RALYL: variants seen among roughly 807,000 people sequenced by gnomAD.
RALYL encodes RALY RNA binding protein like.
RALYL carries 29 observed loss-of-function variants against 35.1 expected under a neutral mutation model. That is an observed-to-expected ratio of 0.83 (90% CI 0.61 to 1.13). The LOEUF (loss-of-function observed/expected upper bound fraction) is 1.13. Among genes scored for constraint, RALYL ranks in the 50% most tolerant of loss-of-function variants. RALYL has a pLI of 0.00. For synonymous variants in RALYL, 120 were observed against 127.6 expected, an observed-to-expected ratio of 0.94 and a Z score of 0.40; for missense variants, 359 against 360.4, an observed-to-expected ratio of 1.00 and a Z score of 0.03.
chr8:84,869,075 A>G (rs1313203244), intron 6 of RALYL, among the ~76,000 whole-genome samples: 1 of 152,068 alleles, frequency 6.6e-6, no homozygotes, highest in African/African-American at 2.4e-5. Context: ...AGTGATCATG[A>G]TAAAGAGTTC....
intron 1 of RALYL, among the ~76,000 whole-genome samples, chr8:84,493,120 A>G (rs1052455005): frequency 6.6e-6 from 1 of 151,790 alleles, no homozygotes; most frequent in Non-Finnish European, 1.5e-5. Context: ...CCCTGTGTCC[A>G]TGTGTTCTCA....
At chr8:84,378,044 C>T (rs917931937) in intron 1 of RALYL, among the ~76,000 whole-genome samples, 1 of 151,922 alleles carries the variant, frequency 6.6e-6, no homozygotes, top group Non-Finnish European at 1.5e-5. Context: ...CTTTCTAGAA[C>T]ACATGCTCTT....
At chr8:84,566,789 A>G (rs1412383270) in intron 2 of RALYL, among the ~76,000 whole-genome samples, 3 of 151,666 alleles carry the variant, frequency 2.0e-5, no homozygotes, top group Non-Finnish European at 4.4e-5. Flanking sequence ...TTTTTCTAAA[A>G]CCAGTAATTA....
chr8:84,258,915 G>A (rs537909444), intron 1 of RALYL, among the ~76,000 whole-genome samples: 2 of 152,116 alleles, frequency 1.3e-5, no homozygotes, highest in South Asian at 4.1e-4. Flanking sequence ...TTCTCTTTGT[G>A]TTTCTGTTCT....
At chr8:84,726,685 T>C (rs1427234685) in intron 2 of RALYL, among the ~76,000 whole-genome samples, 1 of 151,968 alleles carries the variant, frequency 6.6e-6, no homozygotes, top group Non-Finnish European at 1.5e-5. Flanking sequence ...TTTCCAATAA[T>C]TTGCTATATT....
chr8:84,239,347 A>T (rs183850447), intron 1 of RALYL, among the ~76,000 whole-genome samples: 1 of 152,232 alleles, frequency 6.6e-6, no homozygotes, highest in Non-Finnish European at 1.5e-5. Context: ...TTCTAATTCT[A>T]TCAGAACCAG....
rs1414270199 is a variant in RALYL at position 84,726,329 on chromosome 8, T to C, written c.257-48250T>C. Among the ~76,000 whole-genome samples the C allele has an allele frequency of 2.8e-4, 42 of 147,524 alleles. 2 individuals carry two copies. The Admixed American group carries it at 2.9e-3, about 10-fold the overall frequency. ...ATATATTTATAAATATATAATTATA[T>C]ATAATTTTATTTTTGTAGGTATAGT... On this transcript the variant is annotated intron_variant, in intron 2 of 8. Coordinates refer to ENST00000521268, the MANE Select transcript of RALYL (RefSeq NM_173848.7).
intron 1 of RALYL, among the ~76,000 whole-genome samples, chr8:84,434,376 C>A (rs1419025524): frequency 6.6e-6 from 1 of 152,054 alleles, no homozygotes; most frequent in Admixed American, 6.6e-5. Context: ...AAGCACAAGG[C>A]ATAAATAACT....
At chr8:84,524,321 A>G (rs182187989) in intron 1 of RALYL, among the ~76,000 whole-genome samples, 4 of 152,348 alleles carry the variant, frequency 2.6e-5, no homozygotes, top group Admixed American at 2.6e-4. Context: ...AAAAGAAGAC[A>G]TTTATGCAGC....
chr8:84,349,796 A>G (rs1426530329), intron 1 of RALYL, among the ~76,000 whole-genome samples: 2 of 150,332 alleles, frequency 1.3e-5, no homozygotes, highest in East Asian at 3.9e-4. Flanking sequence ...TTATATGAAC[A>G]TGAGCCTAGT....
chr8:84,865,338 A>G (rs1838981225), intron 6 of RALYL, among the ~76,000 whole-genome samples: 1 of 152,186 alleles, frequency 6.6e-6, no homozygotes, highest in South Asian at 2.1e-4. Context: ...TCCAGCATTT[A>G]ATGGTTTGGC....
chr8:84,209,698 C>T (rs1319355783), intron 1 of RALYL, among the ~76,000 whole-genome samples: 1 of 152,122 alleles, frequency 6.6e-6, no homozygotes, highest in Non-Finnish European at 1.5e-5. Context: ...AGAAGTCCCT[C>T]AGTTTGTTTT....
chr8:84,842,774 T>C (rs1452554903), intron 4 of RALYL, among the ~76,000 whole-genome samples: 1 of 152,134 alleles, frequency 6.6e-6, no homozygotes, highest in Admixed American at 6.5e-5. Flanking sequence ...TCCACCATGA[T>C]CAAGTGGGCT....
intron 4 of RALYL, among the ~76,000 whole-genome samples, chr8:84,805,553 A>G (rs938333476): frequency 6.6e-6 from 1 of 152,054 alleles, no homozygotes; most frequent in Admixed American, 6.6e-5. Flanking sequence ...GCATGGTGGC[A>G]CACACCTGTA....
At chr8:84,412,822 G>A (rs980382184) in intron 1 of RALYL, among the ~76,000 whole-genome samples, 1 of 151,864 alleles carries the variant, frequency 6.6e-6, no homozygotes, top group African/African-American at 2.4e-5. Context: ...ACAAGGAACT[G>A]GGCTCAAGTA....
intron 1 of RALYL, among the ~76,000 whole-genome samples, chr8:84,204,326 T>G (rs1269599475): frequency 6.6e-6 from 1 of 152,098 alleles, no homozygotes; most frequent in Non-Finnish European, 1.5e-5. Flanking sequence ...AGAAAAACAC[T>G]GATAAATAAA....
At chr8:84,259,617 T>C (rs1831834623) in intron 1 of RALYL, among the ~76,000 whole-genome samples, 1 of 152,192 alleles carries the variant, frequency 6.6e-6, no homozygotes, top group South Asian at 2.1e-4. Flanking sequence ...TTGGGGGACA[T>C]AGTGATTCAA....
intron 2 of RALYL, among the ~76,000 whole-genome samples, chr8:84,532,212 C>G (rs946229199): frequency 1.3e-5 from 2 of 151,966 alleles, no homozygotes; most frequent in African/African-American, 4.8e-5. Flanking sequence ...CTTGAATATA[C>G]CCAGCGGTTT....
At chr8:84,866,548 GT>G (rs552889252) in intron 6 of RALYL, among the ~76,000 whole-genome samples, 11 of 152,182 alleles carry the variant, frequency 7.2e-5, no homozygotes, top group Admixed American at 7.2e-4. Flanking sequence ...TATTATGTGT[GT>G]TTTGCAGCAA....
Sources: allele counts gnomAD v4.1 joint callset (sites outside exome capture counted in the v4.1 genomes callset), GRCh38; gene constraint gnomAD v4.1.1; transcripts MANE v1.5; gene names NCBI Gene and HGNC (gene_info 2026-07-23, HGNC 2026-07-21).